Variants in ANK3 observed in about 807,000 individuals in gnomAD.
ANK3 encodes ankyrin 3.
Under a neutral mutation model 370.9 loss-of-function variants are expected in ANK3, and 57 were observed. That is an observed-to-expected ratio of 0.15 (90% confidence interval 0.12 to 0.19). The LOEUF (loss-of-function observed/expected upper bound fraction) is 0.19, where lower values mean the gene tolerates loss of function less well. Ranked by LOEUF, ANK3 falls within the 10% of genes least tolerant of loss-of-function variation. The pLI, the probability that ANK3 is intolerant of heterozygous loss-of-function variation, is 1.00. For missense variants in ANK3, 4,439 were observed against 5,302.1 expected (o/e 0.84, Z 5.06); for synonymous variants, 1,929 against 1,946.3 (o/e 0.99, Z 0.23).
chr10:60,572,719 A>T (rs2077628899), intron 2 of ANK3: 1 of 1,378,854 alleles, frequency 7.3e-7, no homozygotes, highest in East Asian at 2.7e-5. Flanking sequence ...AGCCCTGTTC[A>T]GCTTTCCTCA....
At chr10:60,234,143 T>C (rs1187517284) in intron 8 of ANK3, among the ~76,000 whole-genome samples, 2 of 152,238 alleles carry the variant, frequency 1.3e-5, no homozygotes, top group African/African-American at 2.4e-5. Context: ...CATCTGTCCA[T>C]GAACATTTGG....
intron 1 of ANK3, among the ~76,000 whole-genome samples, chr10:60,349,538 G>C (rs1201137109): frequency 5.9e-5 from 9 of 151,912 alleles, no homozygotes; most frequent in Admixed American, 1.3e-4. Context: ...ACTCCAAAAT[G>C]TATGAAAATC....
chr10:60,051,736 A>G (rs1476201763), intron 42 of ANK3: 1 of 173,368 alleles, frequency 5.8e-6, no homozygotes, highest in Non-Finnish European at 1.1e-5. Context: ...AAAAAAATTT[A>G]AGTGGAAGAA....
At chr10:60,590,662 A>G (rs888598321) in intron 2 of ANK3, among the ~76,000 whole-genome samples, 2 of 152,264 alleles carry the variant, frequency 1.3e-5, no homozygotes, top group Non-Finnish European at 2.9e-5. Flanking sequence ...CTTTGTGGCC[A>G]TTTAGTAGAC....
intron 2 of ANK3, among the ~76,000 whole-genome samples, chr10:60,428,146 G>T (rs1356104457): frequency 1.3e-5 from 2 of 152,158 alleles, no homozygotes; most frequent in Non-Finnish European, 2.9e-5. Context: ...TAGGCAGTGA[G>T]CTCTTCATAG....
intron 2 of ANK3, among the ~76,000 whole-genome samples, chr10:60,452,799 T>A (rs10821767): frequency 0.12 from 18,911 of 152,266 alleles, 1,129 homozygotes; most frequent in East Asian, 0.15. Context: ...CCTTTATTAG[T>A]TGTGCTGGGA....
intron 2 of ANK3, among the ~76,000 whole-genome samples, chr10:60,606,706 G>A (rs1386351616): frequency 6.6e-6 from 1 of 152,160 alleles, no homozygotes; most frequent in Non-Finnish European, 1.5e-5. Flanking sequence ...GGAATTCACA[G>A]AAGAGAGGAG....
chr10:60,146,161 G>T, intron 23 of ANK3: 2 of 1,248,340 alleles, frequency 1.6e-6, no homozygotes, highest in Non-Finnish European at 1.1e-6. Flanking sequence ...ATACGAAGAT[G>T]TGTTTGTGTA....
chr10:60,456,497 C>A (rs975448525), intron 2 of ANK3, among the ~76,000 whole-genome samples: 2 of 152,184 alleles, frequency 1.3e-5, no homozygotes, highest in South Asian at 2.1e-4. Flanking sequence ...AGGAAATACA[C>A]CCTGTCCTGA....
intron 1 of ANK3, among the ~76,000 whole-genome samples, chr10:60,619,544 T>G (rs1450847626): frequency 5.3e-5 from 8 of 152,116 alleles, no homozygotes; most frequent in Non-Finnish European, 1.2e-4. Context: ...AAAACAAAAA[T>G]GCTTGGTTCT....
chr10:60,120,621 A>G (rs975860713), intron 25 of ANK3, among the ~76,000 whole-genome samples: 1 of 65,190 alleles, frequency 1.5e-5, no homozygotes, highest in Non-Finnish European at 4.1e-5. Flanking sequence ...CTCTCTAAGG[A>G]AAAAAAAAAT....
chr10:60,652,995 G>T (rs993326274), intron 1 of ANK3, among the ~76,000 whole-genome samples: 2 of 152,028 alleles, frequency 1.3e-5, no homozygotes, highest in Non-Finnish European at 2.9e-5. Flanking sequence ...TTTCATTTGT[G>T]AAGTATCTTT....
At chr10:60,150,966 G>T (rs2095082274) in intron 23 of ANK3, among the ~76,000 whole-genome samples, 1 of 152,170 alleles carries the variant, frequency 6.6e-6, no homozygotes, top group Admixed American at 6.5e-5. Flanking sequence ...TCCAGTTTCT[G>T]TAACTGTGTG....
At position 60,379,435 on chromosome 10, in the gene ANK3, G is replaced by A. The variant is rs546753023; in HGVS notation, c.114+9990C>T. 3.3e-5 allele frequency among the ~76,000 whole-genome samples: 5 copies of A among 152,026 alleles called. No homozygotes were observed. In the East Asian group the frequency reaches 5.8e-4, roughly 18 times the overall value. On this transcript the variant is annotated intron_variant, in intron 1 of 43. Coordinates refer to ENST00000280772, the MANE Select transcript of ANK3 (RefSeq NM_020987.5). ...GCACTCCTATGTTTTTTTGCAGCAC[G>A]ATTCACAATAGCCAAGATATGAAAT...
chr10:60,732,907 G>A (rs1005226539), intron 1 of ANK3, among the ~76,000 whole-genome samples: 2 of 151,920 alleles, frequency 1.3e-5, no homozygotes, highest in Non-Finnish European at 2.9e-5. Flanking sequence ...CAAGACGAGA[G>A]ACCGAGGTGA....
intron 1 of ANK3, among the ~76,000 whole-genome samples, chr10:60,664,740 T>C (rs1030767939): frequency 3.3e-5 from 5 of 152,188 alleles, no homozygotes; most frequent in South Asian, 2.1e-4. Flanking sequence ...TTTCAGAAGG[T>C]ATTGCATAGA....
chr10:60,395,007 T>C (rs1192995960), intron 2 of ANK3, among the ~76,000 whole-genome samples: 1 of 152,168 alleles, frequency 6.6e-6, no homozygotes, highest in Non-Finnish European at 1.5e-5. Context: ...GGTAGGGAAA[T>C]GTGAGTAGTG....
At chr10:60,317,671 G>T (rs557460367) in intron 1 of ANK3, among the ~76,000 whole-genome samples, 4 of 151,498 alleles carry the variant, frequency 2.6e-5, no homozygotes, top group African/African-American at 9.7e-5. Flanking sequence ...GATATATGAT[G>T]AGTTGTAGCT....
chr10:60,284,691 T>C (rs1232060269), intron 1 of ANK3, among the ~76,000 whole-genome samples: 1 of 152,076 alleles, frequency 6.6e-6, no homozygotes, highest in Non-Finnish European at 1.5e-5. Flanking sequence ...TTAAGTTTAT[T>C]ATGAGACTCA....
Sources: allele counts gnomAD v4.1 joint callset (sites outside exome capture counted in the v4.1 genomes callset), GRCh38; gene constraint gnomAD v4.1.1; transcripts MANE v1.5; gene names NCBI Gene and HGNC (gene_info 2026-07-23, HGNC 2026-07-21).